Variants in SAMTOR observed in about 807,000 individuals in gnomAD.
SAMTOR encodes S-adenosylmethionine sensor upstream of mTORC1.
the SAMTOR span, among the ~76,000 whole-genome samples, chr7:112,919,885 C>T: frequency 6.6e-6 from 1 of 152,186 alleles, no homozygotes; most frequent in Non-Finnish European, 1.5e-5. Context: ...TACACCCTCC[C>T]AAGACTAAAC....
At chr7:112,863,654 C>A in the SAMTOR span, among the ~76,000 whole-genome samples, 1 of 152,188 alleles carries the variant, frequency 6.6e-6, no homozygotes, top group Non-Finnish European at 1.5e-5. Context: ...GACATACACA[C>A]AGCCAAGAAT....
At chr7:112,877,248 C>A in the SAMTOR span, among the ~76,000 whole-genome samples, 1 of 152,096 alleles carries the variant, frequency 6.6e-6, no homozygotes, top group Non-Finnish European at 1.5e-5. Flanking sequence ...GACTTTACTT[C>A]CAGAGTTTAC....
the SAMTOR span, among the ~76,000 whole-genome samples, chr7:112,906,572 TC>T: frequency 3.3e-5 from 1 of 30,608 alleles, no homozygotes; most frequent in African/African-American, 6.4e-5. Context: ...GAAAGACATA[TC>T]TTTTTTTTTT....
the SAMTOR span, among the ~76,000 whole-genome samples, chr7:112,924,424 T>C: frequency 6.6e-6 from 1 of 152,210 alleles, no homozygotes; most frequent in Non-Finnish European, 1.5e-5. Flanking sequence ...TACAGTCTAA[T>C]AAGTACTGAG....
the SAMTOR span, among the ~76,000 whole-genome samples, chr7:112,923,157 C>A: frequency 1.3e-5 from 2 of 151,348 alleles, no homozygotes; most frequent in Admixed American, 1.3e-4. Context: ...GCCTTGGGAT[C>A]CTGTTGATCT....
the SAMTOR span, among the ~76,000 whole-genome samples, chr7:112,861,086 T>TAA: frequency 6.6e-6 from 1 of 152,132 alleles, no homozygotes; most frequent in Non-Finnish European, 1.5e-5. Flanking sequence ...ATCATTGCCC[T>TAA]AAGTGATTAT....
chr7:112,937,981 A>G, the SAMTOR span, among the ~76,000 whole-genome samples: 1 of 151,988 alleles, frequency 6.6e-6, no homozygotes, highest in Non-Finnish European at 1.5e-5. Context: ...TGAATAATGA[A>G]ATTATTAAAA....
the SAMTOR span, chr7:112,819,454 T>G: frequency 6.6e-6 from 1 of 152,232 alleles, no homozygotes; most frequent in African/African-American, 2.4e-5. Context: ...AACTTCCACT[T>G]GTTATTACAT....
the SAMTOR span, among the ~76,000 whole-genome samples, chr7:112,917,069 C>G: frequency 6.6e-6 from 1 of 152,308 alleles, no homozygotes; most frequent in African/African-American, 2.4e-5. Flanking sequence ...CTTAAATGTC[C>G]CTGTCTGACG....
chr7:112,837,328 G>A, the SAMTOR span, among the ~76,000 whole-genome samples: 1 of 151,976 alleles, frequency 6.6e-6, no homozygotes, highest in African/African-American at 2.4e-5. Flanking sequence ...AGATCTGGGA[G>A]CTTTTAGCAG....
At chr7:112,854,368 A>T in the SAMTOR span, among the ~76,000 whole-genome samples, 1 of 152,158 alleles carries the variant, frequency 6.6e-6, no homozygotes, top group Non-Finnish European at 1.5e-5. Flanking sequence ...AATTCATTGC[A>T]AGAGGTAAGT....
At chr7:112,902,449 C>CAAAAAA in the SAMTOR span, among the ~76,000 whole-genome samples, 2 of 54,936 alleles carry the variant, frequency 3.6e-5, no homozygotes, top group South Asian at 7.4e-4. Flanking sequence ...CAAAAAAAAA[C>CAAAAAA]AAAAAAAAAA....
the SAMTOR span, among the ~76,000 whole-genome samples, chr7:112,885,085 G>A: frequency 6.6e-6 from 1 of 152,346 alleles, no homozygotes; most frequent in East Asian, 1.9e-4. Flanking sequence ...AATGGCCTGA[G>A]CTGTACCTTG....
At chr7:112,895,542 T>C in the SAMTOR span, 1 of 1,476,754 alleles carries the variant, frequency 6.8e-7, no homozygotes, top group Non-Finnish European at 9.2e-7. Context: ...TTATCCAGGA[T>C]AATCAAAGTA....
chr7:112,892,862 G>A, the SAMTOR span, among the ~76,000 whole-genome samples: 7 of 152,200 alleles, frequency 4.6e-5, no homozygotes, highest in Admixed American at 6.5e-5. Context: ...TAGCAGGCAC[G>A]AAAACAACAT....
the SAMTOR span, among the ~76,000 whole-genome samples, chr7:112,851,191 T>C: frequency 6.6e-6 from 1 of 151,998 alleles, no homozygotes; most frequent in Non-Finnish European, 1.5e-5. Flanking sequence ...ACAACATTTT[T>C]CACCAAGTCT....
At chr7:112,930,968 A>G in the SAMTOR span, among the ~76,000 whole-genome samples, 1 of 152,236 alleles carries the variant, frequency 6.6e-6, no homozygotes, top group Non-Finnish European at 1.5e-5. Context: ...GCTTTGCAAC[A>G]GAGGAAAGTA....
the SAMTOR span, among the ~76,000 whole-genome samples, chr7:112,829,427 AGTTTAGCT>A: frequency 6.6e-6 from 1 of 152,162 alleles, no homozygotes; most frequent in Non-Finnish European, 1.5e-5. Context: ...ACTGTGTAAA[AGTTTAGCT>A]TAAGTAATTT....
the SAMTOR span, chr7:112,939,472 TGG>T: frequency 6.8e-7 from 1 of 1,469,652 alleles, no homozygotes; most frequent in African/African-American, 1.4e-5. Context: ...CAGCAGCGGC[TGG>T]GGGGACGTGC....
Sources: allele counts gnomAD v4.1 joint callset (sites outside exome capture counted in the v4.1 genomes callset), GRCh38; gene constraint gnomAD v4.1.1; transcripts MANE v1.5; gene names NCBI Gene and HGNC (gene_info 2026-07-23, HGNC 2026-07-21).